Variants in TP53INP1 observed in about 807,000 individuals in gnomAD.
TP53INP1 encodes the protein tumor protein p53 inducible nuclear protein 1, also known as tumor protein p53-inducible nuclear protein 1.
In TP53INP1, 12 loss-of-function variants were observed where a neutral mutation model predicts 21.0. That is an observed-to-expected ratio of 0.57 (90% CI 0.37 to 0.93). The LOEUF is 0.93. Ranked by LOEUF, TP53INP1 falls within the 40% of genes least tolerant of loss-of-function variation. The pLI, the probability that TP53INP1 is intolerant of heterozygous loss-of-function variation, is 0.01. For missense variants in TP53INP1, 274 were observed against 294.7 expected (o/e 0.93, Z 0.51); for synonymous variants, 91 against 94.8 (o/e 0.96, Z 0.23).
intron 3 of TP53INP1, among the ~76,000 whole-genome samples, chr8:94,938,852 C>A (rs1454706369): frequency 6.6e-6 from 1 of 152,238 alleles, no homozygotes; most frequent in African/African-American, 2.4e-5. Context: ...GTCGTGGGAA[C>A]ACCAGTTTAC....
chr8:94,945,504 A>G (rs1821907740), intron 1 of TP53INP1: 1 of 152,192 alleles, frequency 6.6e-6, no homozygotes, highest in Non-Finnish European at 1.5e-5. Flanking sequence ...AAAAAGTCTT[A>G]AAGGCCTACC....
At chr8:94,932,125 T>C in intron 3 of TP53INP1, 1 of 1,606,204 alleles carries the variant, frequency 6.2e-7, no homozygotes, top group Non-Finnish European at 8.5e-7. Flanking sequence ...TGTTAAATGG[T>C]GAACTATTAA....
rs1438237036 is a variant in TP53INP1, at chr8:94,928,071, C to T, written c.*2408G>A. The T allele has an allele frequency of 6.6e-6, 1 of 152,098 alleles. No individual in the cohort carries two copies. Among genetic ancestry groups the T allele is most frequent in the South Asian group, 2.1e-4 (1 of 4,830 alleles). 9.4% of individuals were successfully genotyped at this position (152,098 alleles called of 1,614,324 possible). A position where few individuals can be genotyped will look rare whatever the true frequency, so the allele number is the denominator to read the frequency against. ...AACTGAATTATATAACCATTTTCTTCAATACTTACATGTGCCAATTTTAGG... is the reference window on the plus strand; with the variant it reads ...AACTGAATTATATAACCATTTTCTTTAATACTTACATGTGCCAATTTTAGG... On this transcript the variant is annotated 3_prime_UTR_variant, in exon 4 of 4. Transcript: ENST00000342697.
In TP53INP1 at chr8:94,927,472, A is replaced by G. The variant is rs906110930; in HGVS notation, c.*3007T>C. 5.9e-5 allele frequency: 9 copies of G among 152,232 alleles called. No homozygotes were observed. Among genetic ancestry groups the G allele is most frequent in the African/African-American group, 2.2e-4 (9 of 41,468 alleles). 9.4% of individuals were successfully genotyped at this position (152,232 alleles called of 1,614,324 possible). A position where few individuals can be genotyped will look rare whatever the true frequency, so the allele number is the denominator to read the frequency against. ...AGGAACAGTTTGCATGGGGATTGGA[A>G]AAATGTATAGGAAATTAATATTTCT... On this transcript the variant is annotated 3_prime_UTR_variant, in exon 4 of 4. Transcript: ENST00000342697.
At chr8:94,932,455 C>T (rs1206453388) in intron 3 of TP53INP1, among the ~76,000 whole-genome samples, 1 of 152,216 alleles carries the variant, frequency 6.6e-6, no homozygotes. Flanking sequence ...CAAAGCTAGC[C>T]TAATTTTGGT....
chr8:94,946,696 C>CAAAAA lies in TP53INP1; in HGVS notation c.-151+2453_-151+2457dup, dbSNP rs71273438. Among the ~76,000 whole-genome samples the CAAAAA allele has an allele frequency of 3.3e-3, 115 of 34,632 alleles. 7 individuals are homozygous for CAAAAA. Among genetic ancestry groups the CAAAAA allele is most frequent in the South Asian group, 0.012 (5 of 434 alleles). 22.7% of individuals were successfully genotyped at this position (34,632 alleles called of 152,430 possible). On this transcript the variant is annotated intron_variant, in intron 1 of 3. Coordinates refer to ENST00000342697, the MANE Select transcript of TP53INP1 (RefSeq NM_033285.4). ...TGGTCAACAGAGTAAGACCCTGTCT[C>CAAAAA]AAAAAAAAAAAAAAAAAAAAAAAAG...
chr8:94,939,220 T>C (rs929346100), intron 3 of TP53INP1, among the ~76,000 whole-genome samples: 3 of 152,240 alleles, frequency 2.0e-5, no homozygotes, highest in African/African-American at 7.2e-5. Flanking sequence ...TAAGACATGA[T>C]ATTCTAGTTG....
At chr8:94,947,836 G>C (rs1409528610) in intron 1 of TP53INP1, among the ~76,000 whole-genome samples, 1 of 152,232 alleles carries the variant, frequency 6.6e-6, no homozygotes, top group Non-Finnish European at 1.5e-5. Flanking sequence ...ACAGAAATTA[G>C]TAAGGTCCTG....
chr8:94,942,181 C>T (rs927309661), intron 1 of TP53INP1, among the ~76,000 whole-genome samples: 20 of 152,084 alleles, frequency 1.3e-4, no homozygotes, highest in African/African-American at 3.4e-4. Context: ...GGACTACAGG[C>T]GCCCACCACC....
chr8:94,936,895 A>G (rs892940988), intron 3 of TP53INP1, among the ~76,000 whole-genome samples: 13 of 152,132 alleles, frequency 8.5e-5, no homozygotes, highest in African/African-American at 1.4e-4. Context: ...ACAAATACCA[A>G]TGAGAACCGT....
chr8:94,940,691 G>A, intron 2 of TP53INP1, 139 bp downstream of exon 2: 1 of 638,832 alleles, frequency 1.6e-6, no homozygotes. Flanking sequence ...ATGGTTTCCT[G>A]CAATTTTTTA....
At chr8:94,933,775 C>A (rs2340583) in intron 3 of TP53INP1, among the ~76,000 whole-genome samples, 90,305 of 138,986 alleles carry the variant, frequency 0.65, 29,326 homozygotes, top group East Asian at 0.79. Flanking sequence ...AAAAAACCCC[C>A]AAAAAAACCA....
Position 94,930,642 on chromosome 8 carries a change from T to C in TP53INP1, c.560A>G (p.Lys187Arg). Residue 187 changes from lysine to arginine, a missense_variant, in exon 4 of 4, where the codon AAG (lysine) becomes AGG (arginine). Transcript: ENST00000342697. ...AAHTTFLEQP[K>R]SFRPSQWIKE... is the part of the protein sequence containing the mutation. The stretch of plus-strand genomic sequence containing the variant: ...TATCCACTGGGAAGGGCGAAAGCTC[T>C]TGGGTTGTTCCAGAAAAGTTGTATG... The C allele has an allele frequency of 6.2e-7, 1 of 1,614,242 alleles. No homozygotes were observed. Among genetic ancestry groups the C allele is most frequent in the South Asian group, 1.1e-5 (1 of 91,088 alleles).
At chr8:94,934,810 A>C (rs1299742369) in intron 3 of TP53INP1, among the ~76,000 whole-genome samples, 1 of 152,204 alleles carries the variant, frequency 6.6e-6, no homozygotes, top group African/African-American at 2.4e-5. Flanking sequence ...TTATATTTTA[A>C]ATTTTTGTTG....
intron 3 of TP53INP1, chr8:94,939,585 A>G: frequency 2.7e-6 from 1 of 376,266 alleles, no homozygotes; most frequent in South Asian, 2.3e-5. Flanking sequence ...TTTTGTACAG[A>G]CGGGGTTTCA....
chr8:94,934,123 A>G (rs1005255670), intron 3 of TP53INP1, among the ~76,000 whole-genome samples: 1 of 142,504 alleles, frequency 7.0e-6, no homozygotes, highest in Non-Finnish European at 1.5e-5. Flanking sequence ...ATTTAGGTTA[A>G]AAGTTTATGT....
chr8:94,932,229 C>G, intron 3 of TP53INP1: 1 of 969,254 alleles, frequency 1.0e-6, no homozygotes. Flanking sequence ...ATTAAAGGCA[C>G]GTACATGTGC....
intron 3 of TP53INP1, among the ~76,000 whole-genome samples, chr8:94,939,024 C>T (rs1821265114): frequency 6.6e-6 from 1 of 152,050 alleles, no homozygotes; most frequent in Non-Finnish European, 1.5e-5. Context: ...AGAGGGTGTC[C>T]ACTGCTGGAG....
chr8:94,930,313 C>T lies in TP53INP1; in HGVS notation c.*166G>A, dbSNP rs1820264672. ...GTTAAAGGCAAGGCATTATGTGATACACAGCATATAAATCTGATTTTCAAG... is the reference window on the plus strand; with the variant it reads ...GTTAAAGGCAAGGCATTATGTGATATACAGCATATAAATCTGATTTTCAAG... On this transcript the variant is annotated 3_prime_UTR_variant, in exon 4 of 4. Transcript: ENST00000342697. 1 of 915,574 alleles carries T rather than the reference C, an allele frequency of 1.1e-6. No homozygotes were observed. The highest frequency in any genetic ancestry group is 1.6e-6 in the Non-Finnish European group (1 of 612,012). The allele number at this position is 915,574 out of a possible 1,614,324, so 56.7% of individuals were successfully genotyped here.
Sources: allele counts gnomAD v4.1 joint callset (sites outside exome capture counted in the v4.1 genomes callset), GRCh38; gene constraint gnomAD v4.1.1; transcripts MANE v1.5; gene names NCBI Gene and HGNC (gene_info 2026-07-23, HGNC 2026-07-21).